Variants in RPA1 observed in about 807,000 individuals in gnomAD.
RPA1 encodes replication protein A 70 kDa DNA-binding subunit.
A neutral mutation model predicts 83.0 loss-of-function variants in RPA1; 49 were observed. The observed-to-expected ratio is 0.59, with a 90% CI of 0.47 to 0.75. The LOEUF is 0.75. RPA1 is among the 30% of genes least tolerant of loss of function. The pLI, the probability that RPA1 is intolerant of heterozygous loss-of-function variation, is 0.00. For synonymous variants in RPA1, 279 were observed against 281.8 expected (o/e 0.99, Z 0.10); for missense variants, 693 against 776.1 (o/e 0.89, Z 1.27).
intron 5 of RPA1, among the ~76,000 whole-genome samples, 197 bp downstream of exon 5, chr17:1,853,386 C>T (rs1190464177): frequency 6.6e-6 from 1 of 152,104 alleles, no homozygotes; most frequent in Non-Finnish European, 1.5e-5. Context: ...AATTAGAAAG[C>T]AATGGACAAA....
intron 15 of RPA1, among the ~76,000 whole-genome samples, chr17:1,892,984 G>T (rs909615497): frequency 2.6e-5 from 4 of 152,168 alleles, no homozygotes; most frequent in African/African-American, 9.7e-5. Context: ...CCTCCAAATT[G>T]GTTGGAATAC....
rs1416381586 is a variant in RPA1 at position 1,884,758 on chromosome 17, C to T, written c.1374+814C>T. On this transcript the variant is annotated intron_variant, in intron 13 of 16. Coordinates refer to ENST00000254719, the MANE Select transcript of RPA1 (RefSeq NM_002945.5). The surrounding 1 kb of genome is among the most constrained non-coding windows in gnomAD (Gnocchi z 4.1). ...ACCCACTCTTTCGGTTCTCTGTAAT[C>T]CCAGCTACCCAGGAGGCTGAGGCAG... is the stretch of plus-strand genomic sequence containing the variant. 6.6e-5 allele frequency among the ~76,000 whole-genome samples: 10 copies of T among 152,210 alleles called. No homozygotes were observed. The highest frequency in any genetic ancestry group is 1.5e-5 in the Non-Finnish European group (1 of 68,052).
chr17:1,881,431 T>C (rs1354403627), intron 12 of RPA1, among the ~76,000 whole-genome samples: 4 of 152,206 alleles, frequency 2.6e-5, no homozygotes, highest in African/African-American at 9.7e-5. Context: ...TCCTTTGTTT[T>C]GAGTCATTTA....
intron 5 of RPA1, among the ~76,000 whole-genome samples, chr17:1,861,261 C>A (rs7216940): frequency 0.22 from 32,861 of 152,102 alleles, 3,664 homozygotes; most frequent in Admixed American, 0.25. Flanking sequence ...CCCAGACTCT[C>A]GGCCCCCATT....
intron 5 of RPA1, among the ~76,000 whole-genome samples, chr17:1,861,939 G>T (rs953151311): frequency 6.6e-6 from 1 of 150,968 alleles, no homozygotes; most frequent in Non-Finnish European, 1.5e-5. Flanking sequence ...TCACTGTGTC[G>T]CCCAGGCTGG....
In RPA1 at chr17:1,853,177, C is replaced by T. The variant is rs1405265362; in HGVS notation, c.349C>T (p.Pro117Ser). ...TGGAGTGAAGATTGGCAATCCAGTGCCCTATAATGAAGGTAAAATGCTTTG... is the reference window on the plus strand; with the variant it reads ...TGGAGTGAAGATTGGCAATCCAGTGTCCTATAATGAAGGTAAAATGCTTTG... Reference protein sequence around the residue: ...AVGVKIGNPVPYNEGLGQPQV... With the variant: ...AVGVKIGNPVSYNEGLGQPQV... The change falls in exon 5 of 17, where the codon CCC (proline) becomes TCC (serine). Residue 117 changes from proline (P) to serine (S), a missense_variant. By Grantham distance (74) the Pro-to-Ser change is moderately conservative. Transcript: ENST00000254719. 3 of 1,613,522 alleles carry T rather than the reference C, an allele frequency of 1.9e-6. No homozygotes were observed. Among genetic ancestry groups the T allele is most frequent in the Middle Eastern group, 1.6e-4 (1 of 6,084 alleles).
At chr17:1,891,354 A>G (rs542211709) in intron 14 of RPA1, among the ~76,000 whole-genome samples, 1 of 152,172 alleles carries the variant, frequency 6.6e-6, no homozygotes, top group African/African-American at 2.4e-5. Flanking sequence ...GGAACTACAG[A>G]GTGGGCAATT....
At chr17:1,872,708 C>CTTTTT (rs34892322) in intron 6 of RPA1, among the ~76,000 whole-genome samples, 182 bp downstream of exon 6, 2 of 113,054 alleles carry the variant, frequency 1.8e-5, no homozygotes, top group Admixed American at 1.0e-4. Flanking sequence ...TAAAGATTGT[C>CTTTTT]TTTTTTTTTT....
Position 1,865,930 on chromosome 17 carries a change from A to C in RPA1, c.362-6504A>C, listed in dbSNP as rs890917735. Among the ~76,000 whole-genome samples, 8 of 152,082 alleles carry C rather than the reference A, an allele frequency of 5.3e-5. No individual in the cohort carries two copies. In the East Asian group the frequency reaches 5.8e-4, roughly 11 times the overall value. On this transcript the variant is annotated intron_variant, in intron 5 of 16. Transcript: ENST00000254719. ...GATTACAGGCGTGAGCGCTGCGCCC[A>C]GCCATATCCTGTTTTTTTAAAGTTT...
chr17:1,840,385 C>G (rs923368161), intron 1 of RPA1, among the ~76,000 whole-genome samples: 3 of 152,122 alleles, frequency 2.0e-5, no homozygotes, highest in Non-Finnish European at 4.4e-5. Flanking sequence ...CTCCCAGGTT[C>G]AAGCAATTCT....
At chr17:1,869,977 G>C (rs529846435) in intron 5 of RPA1, among the ~76,000 whole-genome samples, 1 of 152,100 alleles carries the variant, frequency 6.6e-6, no homozygotes, top group South Asian at 2.1e-4. Flanking sequence ...AACTAGAGTT[G>C]CGGCTGCCAG....
At chr17:1,855,171 A>AT (rs550428694) in intron 5 of RPA1, among the ~76,000 whole-genome samples, 1,606 of 148,122 alleles carry the variant, frequency 0.011, 35 homozygotes, top group African/African-American at 0.035. Context: ...ACATTGATTG[A>AT]TTTTTTTTTT....
chr17:1,843,599 A>ATTATTATTG (rs1220567867), intron 2 of RPA1, among the ~76,000 whole-genome samples: 1 of 2,348 alleles, frequency 4.3e-4, no homozygotes, highest in African/African-American at 5.6e-4. Context: ...TGGGTGCTTC[A>ATTATTATTG]TTATTATTAT....
chr17:1,870,106 G>C (rs1213903778), intron 5 of RPA1, among the ~76,000 whole-genome samples: 1 of 152,126 alleles, frequency 6.6e-6, no homozygotes, highest in Non-Finnish European at 1.5e-5. Flanking sequence ...AGCCAGTTAC[G>C]TGGTTCCTCT....
chr17:1,853,954 G>C (rs909389313), intron 5 of RPA1, among the ~76,000 whole-genome samples: 1 of 152,128 alleles, frequency 6.6e-6, no homozygotes, highest in Non-Finnish European at 1.5e-5. Flanking sequence ...GATCATGTTT[G>C]TTCTAGTGCC....
chr17:1,871,549 C>T (rs1913377011), intron 5 of RPA1, among the ~76,000 whole-genome samples: 1 of 152,182 alleles, frequency 6.6e-6, no homozygotes, highest in Admixed American at 6.5e-5. Context: ...TGCAAGTACC[C>T]TTGGTGAGCT....
chr17:1,892,233 C>T (rs1423898986), intron 15 of RPA1, among the ~76,000 whole-genome samples: 1 of 152,162 alleles, frequency 6.6e-6, no homozygotes, highest in Non-Finnish European at 1.5e-5. Flanking sequence ...TCTCGAACTC[C>T]TGACCTCATG....
intron 1 of RPA1, among the ~76,000 whole-genome samples, chr17:1,840,216 C>G (rs1911993007): frequency 6.6e-6 from 1 of 152,138 alleles, no homozygotes; most frequent in Non-Finnish European, 1.5e-5. Context: ...TCACTACAGC[C>G]TAGACCTCCT....
intron 13 of RPA1, 86 bp from the exon 14 acceptor site, chr17:1,888,589 C>T (rs1471844335): frequency 3.2e-5 from 43 of 1,361,000 alleles, no homozygotes; most frequent in Non-Finnish European, 3.9e-5. Flanking sequence ...ACCACCTAAA[C>T]GTAAGGGCAG....
Sources: gnomAD v4.1 joint callset for allele counts (sites outside exome capture counted in the v4.1 genomes callset) on GRCh38, gnomAD v4.1.1 for gene constraint, Gnocchi (gnomAD v3.1) non-coding constraint, MANE v1.5 for transcripts, NCBI Gene and HGNC (gene_info 2026-07-23, HGNC 2026-07-21) for gene names.